The following EHBP1 variants were observed in gnomAD, a reference collection of about 807,000 sequenced individuals.
EHBP1 encodes the protein EH domain binding protein 1.
EHBP1 carries 55 observed loss-of-function variants against 144.0 expected under a neutral mutation model. That is an observed-to-expected ratio of 0.38 (90% CI 0.31 to 0.48). EHBP1 has a LOEUF of 0.48. EHBP1 is among the 20% of genes least tolerant of loss of function. The pLI is 0.98. For synonymous variants in EHBP1, 469 were observed against 472.7 expected (o/e 0.99, Z 0.10); for missense variants, 1,200 against 1,364.2 (o/e 0.88, Z 1.90).
rs370593451 is a variant in EHBP1 at position 62,922,998 on chromosome 2, G to C, written c.1186-19720G>C. Among the ~76,000 whole-genome samples, 3 of 152,290 alleles carry C rather than the reference G, an allele frequency of 2.0e-5. No homozygotes were observed. The South Asian group carries it at 6.2e-4, about 32-fold the overall frequency. On this transcript the variant is annotated intron_variant, in intron 10 of 22. Transcript: ENST00000431489. Reference sequence around the variant, plus strand: ...CATGCAGCTGCATTGCCCCAGTTAAGAGCATAAGGTGTGCACTCCCCATAC... The same window carrying C: ...CATGCAGCTGCATTGCCCCAGTTAACAGCATAAGGTGTGCACTCCCCATAC...
At chr2:62,830,248 A>G (rs1339775081) in intron 6 of EHBP1, among the ~76,000 whole-genome samples, 1 of 151,064 alleles carries the variant, frequency 6.6e-6, no homozygotes, top group African/African-American at 2.4e-5. Flanking sequence ...GAATACTACT[A>G]TATATATAAT....
intron 16 of EHBP1, among the ~76,000 whole-genome samples, chr2:62,991,243 T>TA (rs548024211): frequency 0.03 from 3,464 of 117,138 alleles, 61 homozygotes; most frequent in Non-Finnish European, 0.046. Flanking sequence ...AGACCTTGTC[T>TA]AAAAAAAAAA....
chr2:62,819,223 T>C (rs529310220), intron 5 of EHBP1, among the ~76,000 whole-genome samples: 1 of 152,326 alleles, frequency 6.6e-6, no homozygotes, highest in African/African-American at 2.4e-5. Flanking sequence ...TCTATTAATT[T>C]ACCTCATAAG....
intron 2 of EHBP1, among the ~76,000 whole-genome samples, chr2:62,722,911 G>A (rs2151943584): frequency 6.6e-6 from 1 of 152,282 alleles, no homozygotes; most frequent in Admixed American, 6.5e-5. Flanking sequence ...CTTGGCTGAG[G>A]TATTTTATGT....
chr2:62,809,578 A>G (rs1361057561), intron 5 of EHBP1, among the ~76,000 whole-genome samples: 1 of 152,128 alleles, frequency 6.6e-6, no homozygotes, highest in Non-Finnish European at 1.5e-5. Flanking sequence ...TGTGATGCTA[A>G]GGTTTGGGGT....
At chr2:62,681,035 G>A (rs1010531712) in intron 1 of EHBP1, among the ~76,000 whole-genome samples, 3 of 151,938 alleles carry the variant, frequency 2.0e-5, no homozygotes, top group Non-Finnish European at 4.4e-5. Flanking sequence ...AAAAATGGCC[G>A]GGCGTGATGG....
intron 14 of EHBP1, among the ~76,000 whole-genome samples, chr2:62,976,248 G>A (rs1026998104): frequency 6.6e-6 from 1 of 151,932 alleles, no homozygotes. Flanking sequence ...CTTCAAGCTC[G>A]TCCCTGGCTC....
chr2:62,996,915 T>A, intron 19 of EHBP1, 149 bp downstream of exon 19: 1 of 1,138,528 alleles, frequency 8.8e-7, no homozygotes. Context: ...GCCACCTCTC[T>A]GGGCCCTGGT....
intron 12 of EHBP1, among the ~76,000 whole-genome samples, chr2:62,947,176 T>G (rs1344843565): frequency 3.3e-5 from 5 of 152,174 alleles, no homozygotes; most frequent in Non-Finnish European, 7.4e-5. Flanking sequence ...TATTTTGAGG[T>G]ACCTATATTA....
intron 5 of EHBP1, among the ~76,000 whole-genome samples, chr2:62,800,524 G>T (rs2043902800): frequency 6.6e-6 from 1 of 152,184 alleles, no homozygotes; most frequent in Non-Finnish European, 1.5e-5. Flanking sequence ...TATACTGGCA[G>T]TTGTCTGGAG....
chr2:63,037,448 T>G (rs2061486122), intron 19 of EHBP1, 87 bp from the exon 20 acceptor site: 1 of 846,346 alleles, frequency 1.2e-6, no homozygotes, highest in Admixed American at 2.4e-5. Context: ...AGTAAAATGT[T>G]TTCTATGTTT....
In EHBP1 at chr2:62,755,559, T is replaced by C. The variant is rs947348030; in HGVS notation, c.162+8107T>C. On this transcript the variant is annotated intron_variant, in intron 3 of 22. Transcript: ENST00000431489. ...TAATAGGGTAGGTTCATTTTTAACT[T>C]GTAAGAAATTGCCACGCACTCTCAC... Among the ~76,000 whole-genome samples, 3 of 152,206 alleles carry C rather than the reference T, an allele frequency of 2.0e-5. No homozygotes were observed. The South Asian group carries it at 6.2e-4, about 31-fold the overall frequency.
chr2:63,019,940 G>A (rs2060655903), intron 19 of EHBP1, among the ~76,000 whole-genome samples: 1 of 151,724 alleles, frequency 6.6e-6, no homozygotes, highest in Admixed American at 6.6e-5. Context: ...TGTAATTCTA[G>A]CACTTTGGGA....
intron 19 of EHBP1, among the ~76,000 whole-genome samples, chr2:63,003,940 T>C (rs2059937602): frequency 6.6e-6 from 1 of 152,142 alleles, no homozygotes; most frequent in African/African-American, 2.4e-5. Context: ...CAATACCATC[T>C]TGATGCTGTT....
intron 5 of EHBP1, among the ~76,000 whole-genome samples, chr2:62,812,726 T>G (rs917483153): frequency 6.6e-6 from 1 of 152,314 alleles, no homozygotes; most frequent in Non-Finnish European, 1.5e-5. Context: ...CTAGGATATC[T>G]GGCGGAAGAA....
chr2:62,701,445 G>A (rs2034279119), upstream of EHBP1, among the ~76,000 whole-genome samples: 1 of 152,286 alleles, frequency 6.6e-6, no homozygotes. Context: ...GTGGTTAGAG[G>A]CGAACAGTGC....
chr2:62,983,845 G>A (rs2059077533), intron 15 of EHBP1, among the ~76,000 whole-genome samples: 1 of 152,126 alleles, frequency 6.6e-6, no homozygotes, highest in Admixed American at 6.5e-5. Context: ...CCCGGCCTTT[G>A]CCTCCTTTTT....
chr2:62,682,241 G>T (rs879641401), intron 1 of EHBP1, among the ~76,000 whole-genome samples: 2 of 152,178 alleles, frequency 1.3e-5, no homozygotes, highest in Non-Finnish European at 2.9e-5. Context: ...ATATTTAATT[G>T]TTTACTAGGG....
At chr2:62,898,602 T>C (rs1490284478) in intron 10 of EHBP1, among the ~76,000 whole-genome samples, 2 of 152,160 alleles carry the variant, frequency 1.3e-5, no homozygotes, top group Non-Finnish European at 2.9e-5. Context: ...AACCACCCCT[T>C]TTCTCCAATC....
Sources: gnomAD v4.1 joint callset for allele counts (sites outside exome capture counted in the v4.1 genomes callset) on GRCh38, gnomAD v4.1.1 for gene constraint, MANE v1.5 for transcripts, NCBI Gene and HGNC (gene_info 2026-07-23, HGNC 2026-07-21) for gene names.